Variants in TSNARE1 observed in about 807,000 individuals in gnomAD.
TSNARE1 encodes the protein t-SNARE domain-containing protein 1.
TSNARE1 carries 49 observed loss-of-function variants against 62.0 expected under a neutral mutation model. The observed-to-expected ratio is 0.79, with a 90% confidence interval of 0.63 to 1.00. TSNARE1 has a LOEUF of 1.00. TSNARE1 is among the 50% of genes least tolerant of loss of function. TSNARE1 has a pLI of 0.00. For missense variants in TSNARE1, 755 were observed against 700.1 expected (o/e 1.08, Z -0.88); for synonymous variants, 328 against 294.4 (o/e 1.11, Z -1.17).
intron 10 of TSNARE1, among the ~76,000 whole-genome samples, chr8:142,289,455 C>A (rs768589387): frequency 6.6e-5 from 10 of 152,312 alleles, no homozygotes; most frequent in South Asian, 2.1e-4. Context: ...TCCCTCCTGG[C>A]GACCGAGCTG....
intron 2 of TSNARE1, among the ~76,000 whole-genome samples, chr8:142,348,171 G>A (rs1320154639): frequency 1.3e-5 from 2 of 152,166 alleles, no homozygotes; most frequent in Admixed American, 6.5e-5. Flanking sequence ...GGAGGTGGGC[G>A]GCTGTCTCCC....
intron 2 of TSNARE1, among the ~76,000 whole-genome samples, chr8:142,348,716 G>A (rs777030073): frequency 5.3e-5 from 8 of 151,372 alleles, no homozygotes; most frequent in African/African-American, 7.3e-5. Flanking sequence ...CCAGGTTATC[G>A]TGAGGCTGAC....
chr8:142,231,948 C>T (rs1362615932), intron 12 of TSNARE1, among the ~76,000 whole-genome samples: 1 of 152,234 alleles, frequency 6.6e-6, no homozygotes, highest in Non-Finnish European at 1.5e-5. Context: ...CAGCCCTACT[C>T]CCACACTCCT....
intron 13 of TSNARE1, among the ~76,000 whole-genome samples, chr8:142,219,839 G>A (rs190424993): frequency 2.2e-4 from 33 of 152,306 alleles, no homozygotes; most frequent in African/African-American, 7.2e-4. Context: ...CCGAAGGCCC[G>A]CTGCCCAGGA....
rs1197812443 is a variant in TSNARE1, at chr8:142,390,663, G to T, written c.-40+12441C>A. The stretch of plus-strand genomic sequence containing the variant: ...GACTCTGTAACAGAAGCTGTACACT[G>T]CGGGGGACTCCGTAACAGACGCTGT... On this transcript the variant is annotated intron_variant, in intron 1 of 13. Transcript: ENST00000524325. Among the ~76,000 whole-genome samples, 2 of 9,598 alleles carry T rather than the reference G, an allele frequency of 2.1e-4. 1 individual carries two copies. Among genetic ancestry groups the T allele is most frequent in the Admixed American group, 1.3e-3 (2 of 1,592 alleles). The allele number at this position is 9,598 out of a possible 152,430, so 6.3% of individuals were successfully genotyped here.
chr8:142,306,366 T>C (rs1019320869), intron 9 of TSNARE1, among the ~76,000 whole-genome samples: 3 of 152,114 alleles, frequency 2.0e-5, no homozygotes, highest in African/African-American at 7.2e-5. Context: ...GAAGTCCTGG[T>C]GGAAATGTAG....
chr8:142,345,375 C>T (rs960527866), intron 3 of TSNARE1, among the ~76,000 whole-genome samples: 1 of 152,168 alleles, frequency 6.6e-6, no homozygotes, highest in Non-Finnish European at 1.5e-5. Flanking sequence ...CCTGTTCCTC[C>T]CCAAACCACA....
chr8:142,309,824 GCTA>G (rs1225471058), intron 9 of TSNARE1, among the ~76,000 whole-genome samples: 1 of 152,158 alleles, frequency 6.6e-6, no homozygotes, highest in Non-Finnish European at 1.5e-5. Context: ...ACTGCTGCTA[GCTA>G]CTGCTCAAAT....
intron 1 of TSNARE1, among the ~76,000 whole-genome samples, chr8:142,392,162 T>C (rs993843036): frequency 1.3e-5 from 2 of 152,114 alleles, no homozygotes; most frequent in Non-Finnish European, 2.9e-5. Context: ...TGGCTGGGAT[T>C]ACAGGGGCGC....
rs540905700 is a variant in TSNARE1 at position 142,317,251 on chromosome 8, C to T, written c.984+1293G>A. Among the ~76,000 whole-genome samples the T allele has an allele frequency of 4.3e-4, 64 of 148,860 alleles. 3 individuals are homozygous for T. Among genetic ancestry groups the T allele is most frequent in the African/African-American group, 1.4e-3 (56 of 40,284 alleles). On this transcript the variant is annotated intron_variant, in intron 7 of 13. Transcript: ENST00000524325. ...TACGACCAGCGGCTCACACTGTACGCGTGAAGCGGGTATGGCCAGCGGCTC... is the reference window on the plus strand; with the variant it reads ...TACGACCAGCGGCTCACACTGTACGTGTGAAGCGGGTATGGCCAGCGGCTC...
At chr8:142,405,384 T>C (rs4977027), upstream of TSNARE1, 124,805 of 152,092 alleles carry the variant, frequency 0.82, 51,278 homozygotes, top group Middle Eastern at 0.86. Flanking sequence ...GGCCAACCAG[T>C]GAGACCAACA....
intron 1 of TSNARE1, among the ~76,000 whole-genome samples, chr8:142,368,520 G>A (rs1352906342): frequency 2.6e-5 from 4 of 152,198 alleles, no homozygotes; most frequent in East Asian, 1.9e-4. Context: ...CCTAAAGAAA[G>A]ACAAGAGAGT....
At chr8:142,260,988 A>ACAGG (rs1563786624) in intron 12 of TSNARE1, among the ~76,000 whole-genome samples, 4 of 1,662 alleles carry the variant, frequency 2.4e-3, no homozygotes, top group Non-Finnish European at 2.6e-3. Flanking sequence ...GAGGGAGGAG[A>ACAGG]GAGGGAGGGG....
At chr8:142,253,316 G>A (rs1233683936) in intron 12 of TSNARE1, among the ~76,000 whole-genome samples, 1 of 152,228 alleles carries the variant, frequency 6.6e-6, no homozygotes, top group African/African-American at 2.4e-5. Context: ...GCCAGCGTGC[G>A]TGCCGCGTCT....
chr8:142,344,345 C>T lies in TSNARE1; in HGVS notation c.366G>A (p.Lys122=), dbSNP rs1017655585. The part of the protein sequence containing the change: ...RMAGPSTTRA[K]KRKPNFCPQE... ...GCGGGCAGAAGTTGGGCTTCCTCTTCTTGGCCCGGGTAGTGCTGGGCCCCG... is the reference window on the plus strand; with the variant it reads ...GCGGGCAGAAGTTGGGCTTCCTCTTTTTGGCCCGGGTAGTGCTGGGCCCCG... Residue 122 remains lysine (K), a synonymous_variant, in exon 4 of 14, where the codon AAG becomes AAA. Coordinates refer to ENST00000524325, the MANE Select transcript of TSNARE1 (RefSeq NM_145003.5). 1 of 1,580,166 alleles carries T rather than the reference C, an allele frequency of 6.3e-7. No individual in the cohort carries two copies. The highest frequency in any genetic ancestry group is 2.3e-5 in the East Asian group (1 of 44,098).
At position 142,312,774 on chromosome 8, in the gene TSNARE1, C is replaced by A. The variant is rs552859003; in HGVS notation, c.1131+1610G>T. Among the ~76,000 whole-genome samples, 26 of 152,302 alleles carry A rather than the reference C, an allele frequency of 1.7e-4. No homozygotes were observed. The East Asian group carries it at 4.8e-3, about 28-fold the overall frequency. ...CTCTAGGGTTTTATTCCTAAGGGTC[C>A]TGAACTCTAATTTTTGCCTCTCCAG... On this transcript the variant is annotated intron_variant, in intron 9 of 13. Coordinates refer to ENST00000524325, the MANE Select transcript of TSNARE1 (RefSeq NM_145003.5).
chr8:142,302,254 C>T (rs1389770902), intron 9 of TSNARE1, among the ~76,000 whole-genome samples: 3 of 152,110 alleles, frequency 2.0e-5, no homozygotes, highest in Non-Finnish European at 2.9e-5. Context: ...CATGCTATGC[C>T]CACACACACC....
chr8:142,342,044 T>C (rs1814353701), intron 4 of TSNARE1, among the ~76,000 whole-genome samples: 1 of 152,208 alleles, frequency 6.6e-6, no homozygotes, highest in African/African-American at 2.4e-5. Context: ...CTACAGCGGC[T>C]GCCAGAGAGC....
Position 142,286,971 on chromosome 8 carries a change from G to C in TSNARE1, c.1291-2486C>G, listed in dbSNP as rs146296125. Among the ~76,000 whole-genome samples, 1,446 of 152,356 alleles carry C rather than the reference G, an allele frequency of 9.5e-3. 77 individuals carry two copies. Among genetic ancestry groups the C allele is most frequent in the Admixed American group, 0.086 (1,324 of 15,308 alleles). On this transcript the variant is annotated intron_variant, in intron 10 of 13. Transcript: ENST00000524325. ...TGTTATTGCTGCATTTGACAGGGAAGACGGAACCTGAGTCACTGAGAGGGT... is the reference window on the plus strand; with the variant it reads ...TGTTATTGCTGCATTTGACAGGGAACACGGAACCTGAGTCACTGAGAGGGT...
Sources: gnomAD v4.1 joint callset for allele counts (sites outside exome capture counted in the v4.1 genomes callset) on GRCh38, gnomAD v4.1.1 for gene constraint, MANE v1.5 for transcripts, NCBI Gene and HGNC (gene_info 2026-07-23, HGNC 2026-07-21) for gene names.